The following TMEM8B variants were observed in gnomAD, a reference collection of about 807,000 sequenced individuals.
TMEM8B encodes the protein nasopharyngeal carcinoma expressed 6.
A neutral mutation model predicts 49.3 loss-of-function variants in TMEM8B; 29 were observed. The observed-to-expected ratio is 0.59, with a 90% CI of 0.44 to 0.80. The LOEUF (loss-of-function observed/expected upper bound fraction) is 0.80, where lower values mean the gene tolerates loss of function less well. Ranked by LOEUF, TMEM8B falls within the 30% of genes least tolerant of loss-of-function variation. The pLI is 0.00. For missense variants in TMEM8B, 575 were observed against 658.5 expected (o/e 0.87, Z 1.39); for synonymous variants, 264 against 272.8 (o/e 0.97, Z 0.32).
chr9:35,847,680 A>C (rs1437235966), intron 10 of TMEM8B, among the ~76,000 whole-genome samples: 1 of 152,218 alleles, frequency 6.6e-6, no homozygotes, highest in Non-Finnish European at 1.5e-5. Context: ...TGGCAGTGTC[A>C]TATCACATCC....
intron 6 of TMEM8B, among the ~76,000 whole-genome samples, chr9:35,844,984 GCTC>G (rs1041833281): frequency 2.0e-5 from 3 of 151,756 alleles, no homozygotes; most frequent in Non-Finnish European, 2.9e-5. Flanking sequence ...TTTTTCTTTG[GCTC>G]CCTCCTAGAA....
chr9:35,842,534 C>T lies in TMEM8B; in HGVS notation c.1452C>T (p.Pro484=), dbSNP rs143767690. Reference sequence around the variant, plus strand: ...AGGGGCCTGGGACCACGTCCCCACCCGAGCACTGCTGGCCAGTGCGCCCGA... The same window carrying T: ...AGGGGCCTGGGACCACGTCCCCACCTGAGCACTGCTGGCCAGTGCGCCCGA... ...PAEGPGTTSP[P]EHCWPVRPTL... The change falls in exon 6 of 13, where the codon CCC becomes CCT. Residue 484 remains proline, a synonymous_variant. Coordinates refer to ENST00000643932, the MANE Select transcript of TMEM8B (RefSeq NM_001042590.4). This position sits in a 1 kb window ranked among gnomAD's most constrained non-coding sequence, Gnocchi z 5.6. The T allele has an allele frequency of 3.0e-4, 483 of 1,614,064 alleles. 1 individual carries two copies. In the African/African-American group the frequency reaches 5.4e-3, roughly 18 times the overall value.
chr9:35,842,100 C>T lies in TMEM8B; in HGVS notation c.1310-292C>T, dbSNP rs533749723. Among the ~76,000 whole-genome samples, 8 of 152,296 alleles carry T rather than the reference C, an allele frequency of 5.3e-5. No homozygotes were observed. The highest frequency in any genetic ancestry group is 1.9e-4 in the African/African-American group (8 of 41,560). On this transcript the variant is annotated intron_variant, in intron 5 of 12. Transcript: ENST00000643932. This position sits in a 1 kb window ranked among gnomAD's most constrained non-coding sequence, Gnocchi z 5.6. Reference sequence around the variant, plus strand: ...TCTGGGACACTGTCCTTGCCAAAGCCCTTGCAAGTCAGTGAGACAGCCTCT... The same window carrying T: ...TCTGGGACACTGTCCTTGCCAAAGCTCTTGCAAGTCAGTGAGACAGCCTCT...
At position 35,842,433 on chromosome 9, in the gene TMEM8B, G is replaced by A; in HGVS notation, c.1351G>A (p.Ala451Thr). 1 of 1,553,168 alleles carries A rather than the reference G, an allele frequency of 6.4e-7. No homozygotes were observed. Among genetic ancestry groups the A allele is most frequent in the Non-Finnish European group, 8.7e-7 (1 of 1,146,606 alleles). The part of the protein sequence containing the change: ...PGLLRALVPG[A>T]AMNMPQSLGN... ...CCTGCTCCGAGCCCTGGTCCCTGGA[G>A]CTGCCATGAACATGCCCCAGTCCCT... is the stretch of plus-strand genomic sequence containing the variant. The change falls in exon 6 of 13, where the codon GCT becomes ACT. Residue 451 changes from alanine to threonine, a missense_variant. Coordinates refer to ENST00000643932, the MANE Select transcript of TMEM8B (RefSeq NM_001042590.4). This position sits in a 1 kb window ranked among gnomAD's most constrained non-coding sequence, Gnocchi z 5.6.
At chr9:35,851,082 G>A (rs1302479692) in intron 10 of TMEM8B, among the ~76,000 whole-genome samples, 2 of 152,024 alleles carry the variant, frequency 1.3e-5, no homozygotes, top group African/African-American at 4.8e-5. Context: ...AGTCTCTTAG[G>A]TGTATTCAAA....
At chr9:35,834,375 A>G in intron 1 of TMEM8B, 86 bp from the exon 2 acceptor site, 2 of 402,284 alleles carry the variant, frequency 5.0e-6, no homozygotes, top group Non-Finnish European at 8.9e-6. Flanking sequence ...AGTTGATGCT[A>G]TTGGTGAGGA....
intron 3 of TMEM8B, among the ~76,000 whole-genome samples, chr9:35,837,888 G>A (rs1830592288): frequency 1.3e-5 from 2 of 152,130 alleles, no homozygotes; most frequent in Admixed American, 1.3e-4. Flanking sequence ...CCTTTGGGTT[G>A]TGGATACCAT....
At chr9:35,833,250 C>T (rs1830088296) in intron 1 of TMEM8B, 1 of 934,870 alleles carries the variant, frequency 1.1e-6, no homozygotes, top group Admixed American at 6.2e-5. Context: ...TCCTGCTTGG[C>T]TGAAAATGCC....
Position 35,853,267 on chromosome 9 carries a change from G to T in TMEM8B, c.2439+10G>T. 1.2e-6 allele frequency: 2 copies of T among 1,608,472 alleles called. No individual in the cohort carries two copies. Among genetic ancestry groups the T allele is most frequent in the Non-Finnish European group, 1.7e-6 (2 of 1,175,098 alleles). On this transcript the variant is annotated intron_variant, in intron 12 of 12. Transcript: ENST00000643932. The surrounding 1 kb of genome is among the most constrained non-coding windows in gnomAD (Gnocchi z 4.2). ...CTTGGCCACAGCCTGGGTAAGGGTG[G>T]GGAGGGATGTGGGGGGAGGGTCCCA...
At chr9:35,851,997 C>G (rs1832184261) in intron 10 of TMEM8B, among the ~76,000 whole-genome samples, 1 of 152,120 alleles carries the variant, frequency 6.6e-6, no homozygotes, top group African/African-American at 2.4e-5. Context: ...ACTTTTTTCA[C>G]AAATAAGGGA....
intron 3 of TMEM8B, among the ~76,000 whole-genome samples, chr9:35,836,248 G>A (rs1322141176): frequency 6.6e-6 from 1 of 152,172 alleles, no homozygotes; most frequent in East Asian, 1.9e-4. Flanking sequence ...ATGTGGATGT[G>A]CAAGAGAACT....
In TMEM8B at chr9:35,858,099, TC is replaced by T. The variant is rs59141284; in HGVS notation, c.*4260del. On this transcript the variant is annotated 3_prime_UTR_variant, in exon 13 of 13. Transcript: ENST00000643932. ...GTGTCTGGTGCTGTTCCATTTTTTTTCTTTCTTTCTTTTTTTTTTTTTTGAG... is the reference window on the plus strand; with the variant it reads ...GTGTCTGGTGCTGTTCCATTTTTTTTTTTCTTTCTTTTTTTTTTTTTTGAG... The T allele has an allele frequency of 0.014, 1,252 of 91,844 alleles. 11 individuals are homozygous for T. The highest frequency in any genetic ancestry group is 0.027 in the African/African-American group (771 of 28,174). The allele number at this position is 91,844 out of a possible 1,614,324, so 5.7% of individuals were successfully genotyped here.
rs1021970129 is a variant in TMEM8B at position 35,860,401 on chromosome 9, T to C, written c.*6561T>C. 6.6e-6 allele frequency: 1 copy of C among 152,194 alleles called. No individual in the cohort carries two copies. The highest frequency in any genetic ancestry group is 2.4e-5 in the African/African-American group (1 of 41,446). The allele number at this position is 152,194 out of a possible 1,614,324, so 9.4% of individuals were successfully genotyped here. A position where few individuals can be genotyped will look rare whatever the true frequency, so the allele number is the denominator to read the frequency against. On this transcript the variant is annotated 3_prime_UTR_variant, in exon 13 of 13. Transcript: ENST00000643932. ...CAGATTTATTCATCCACTAAGTATT[T>C]ATTAAGTACCTATTCTGTGCTAGGT...
rs952430907 is a variant in TMEM8B, at chr9:35,853,048, G to C, written c.2322+75G>C. The C allele has an allele frequency of 6.2e-7, 1 of 1,610,360 alleles. No homozygotes were observed. Among genetic ancestry groups the C allele is most frequent in the Non-Finnish European group, 8.5e-7 (1 of 1,177,324 alleles). Reference sequence around the variant, plus strand: ...AATCCACTCCTGACCTCTCCCTGGGGGCATTTCCAAGTGCCTCTCATGATT... The same window carrying C: ...AATCCACTCCTGACCTCTCCCTGGGCGCATTTCCAAGTGCCTCTCATGATT... On this transcript the variant is annotated intron_variant, in intron 11 of 12. Transcript: ENST00000643932. The surrounding 1 kb of genome is among the most constrained non-coding windows in gnomAD (Gnocchi z 4.2).
rs1274912660 is a variant in TMEM8B at position 35,855,298 on chromosome 9, C to G, written c.*1458C>G. On this transcript the variant is annotated 3_prime_UTR_variant, in exon 13 of 13. Transcript: ENST00000643932. ...CAGGGACTCTTCCTTTTGGGACCCT[C>G]TGTGTCAGTATTCTCACTACATCCT... is the stretch of plus-strand genomic sequence containing the variant. 1 of 152,170 alleles carries G rather than the reference C, an allele frequency of 6.6e-6. No homozygotes were observed. Among genetic ancestry groups the G allele is most frequent in the Non-Finnish European group, 1.5e-5 (1 of 68,030 alleles). 9.4% of individuals were successfully genotyped at this position (152,170 alleles called of 1,614,324 possible). A position where few individuals can be genotyped will look rare whatever the true frequency, so the allele number is the denominator to read the frequency against.
At position 35,846,885 on chromosome 9, in the gene TMEM8B, C is replaced by T; in HGVS notation, c.2065C>T (p.Leu689Phe). ...CTATGGATTCCAGCTGCTGTCCACA[C>T]TCCTGCTCTGCCTGAGCAACCTCAT... is the stretch of plus-strand genomic sequence containing the variant. ...LTYGFQLLST[L>F]LLCLSNLMFL... The change falls in exon 10 of 13, where the codon CTC (leucine) becomes TTC (phenylalanine). Residue 689 changes from leucine (L) to phenylalanine (F), a missense_variant. Leu to Phe is a conservative substitution (Grantham distance 22, BLOSUM62 0). Transcript: ENST00000643932. The T allele has an allele frequency of 1.2e-6, 2 of 1,614,266 alleles. No individual in the cohort carries two copies. Among genetic ancestry groups the T allele is most frequent in the Non-Finnish European group, 1.7e-6 (2 of 1,180,050 alleles).
rs1020918144 is a variant in TMEM8B at position 35,861,722 on chromosome 9, T to C, written c.*7882T>C. 2.0e-5 allele frequency: 3 copies of C among 152,264 alleles called. No individual in the cohort carries two copies. The highest frequency in any genetic ancestry group is 4.4e-5 in the Non-Finnish European group (3 of 68,080). 9.4% of individuals were successfully genotyped at this position (152,264 alleles called of 1,614,324 possible). On this transcript the variant is annotated 3_prime_UTR_variant, in exon 13 of 13. Transcript: ENST00000643932. ...GATGCTATGTAGCTCAGAGGAAACA[T>C]ACACCTGAAGGTGCTGCCCCGGGGG...
chr9:35,847,123 A>G, intron 10 of TMEM8B, 128 bp downstream of exon 10: 1 of 1,614,184 alleles, frequency 6.2e-7, no homozygotes, highest in African/African-American at 1.3e-5. Context: ...CTACAGACAG[A>G]GACAGCAGTG....
intron 6 of TMEM8B, among the ~76,000 whole-genome samples, chr9:35,843,300 T>C (rs2132312971): frequency 6.6e-6 from 1 of 152,288 alleles, no homozygotes; most frequent in Non-Finnish European, 1.5e-5. Flanking sequence ...TCTCACGTTT[T>C]CCCCTATTAT....
Sources: allele counts gnomAD v4.1 joint callset (sites outside exome capture counted in the v4.1 genomes callset), GRCh38; gene constraint gnomAD v4.1.1; non-coding constraint Gnocchi (gnomAD v3.1); transcripts MANE v1.5; gene names NCBI Gene and HGNC (gene_info 2026-07-23, HGNC 2026-07-21).